The following FAM149A variants were observed in gnomAD, a reference collection of about 807,000 sequenced individuals.
FAM149A encodes protein FAM149A.
FAM149A carries 71 observed loss-of-function variants against 78.2 expected under a neutral mutation model. The observed-to-expected ratio is 0.91, with a 90% CI of 0.75 to 1.11. The LOEUF is 1.11. Ranked by LOEUF, FAM149A falls within the 50% of genes least tolerant of loss-of-function variation. The pLI is 0.00. For synonymous variants in FAM149A, 446 were observed against 410.5 expected (o/e 1.09, Z -1.04); for missense variants, 1,036 against 971.0 (o/e 1.07, Z -0.89).
rs563088176 is a variant in FAM149A, at chr4:186,124,965, G to A, written c.566+19323G>A. Among the ~76,000 whole-genome samples, 11 of 152,304 alleles carry A rather than the reference G, an allele frequency of 7.2e-5. No homozygotes were observed. The East Asian group carries it at 1.9e-3, about 27-fold the overall frequency. On this transcript the variant is annotated intron_variant, in intron 1 of 13. Coordinates refer to ENST00000389354, the MANE Select transcript of FAM149A (RefSeq NM_001367768.3). ...TTTAATGATCGCCATTCTAACTGGT[G>A]TGAGACGGTATCTCGTTGTGGTTTT...
At chr4:186,132,158 A>G in intron 1 of FAM149A, 2 of 985,468 alleles carry the variant, frequency 2.0e-6, no homozygotes, top group Non-Finnish European at 2.4e-6. Context: ...GAGATTTTCC[A>G]GTTTATGTCA....
chr4:186,175,303 G>C lies in FAM149A; in HGVS notation c.*3316G>C, dbSNP rs545903604. ...AAGTGTTAAAAGAGTTTTCAAAAAT[G>C]TGTAACATTTATAAAAGTATTTTTA... is the stretch of plus-strand genomic sequence containing the variant. On this transcript the variant is annotated 3_prime_UTR_variant, in exon 14 of 14. Transcript: ENST00000389354. 8.9e-6 allele frequency among the ~76,000 whole-genome samples: 1 copy of C among 112,092 alleles called. No individual in the cohort carries two copies. The highest frequency in any genetic ancestry group is 2.8e-5 in the African/African-American group (1 of 36,006). 73.5% of individuals were successfully genotyped at this position (112,092 alleles called of 152,430 possible).
At chr4:186,146,679 G>A in intron 1 of FAM149A, 1 of 722,956 alleles carries the variant, frequency 1.4e-6, no homozygotes, top group Non-Finnish European at 1.7e-6. Context: ...CAGAGCAGAT[G>A]CTCCGTTTGG....
intron 7 of FAM149A, among the ~76,000 whole-genome samples, chr4:186,157,112 A>G (rs931938774): frequency 6.6e-6 from 1 of 152,082 alleles, no homozygotes; most frequent in Non-Finnish European, 1.5e-5. Context: ...CATTATCTGT[A>G]ATGTAAAATG....
Position 186,167,093 on chromosome 4 carries a change from C to G in FAM149A, c.2136C>G (p.Phe712Leu), listed in dbSNP as rs1735104513. The G allele has an allele frequency of 6.2e-7, 1 of 1,612,224 alleles. No homozygotes were observed. Among genetic ancestry groups the G allele is most frequent in the African/African-American group, 1.3e-5 (1 of 74,868 alleles). Residue 712 changes from phenylalanine to leucine, a missense_variant, in exon 12 of 14, where the codon TTC becomes TTG. Coordinates refer to ENST00000389354, the MANE Select transcript of FAM149A (RefSeq NM_001367768.3). Reference sequence around the variant, plus strand: ...CAAGGCCCAGCACAACCCACACGTTCCGGGTGGGTTCTCTGTTTCCTGTAA... The same window carrying G: ...CAAGGCCCAGCACAACCCACACGTTGCGGGTGGGTTCTCTGTTTCCTGTAA...
intron 1 of FAM149A, among the ~76,000 whole-genome samples, chr4:186,136,978 C>CTCTCTCTCTCTCTCTCTCTCTT (rs2099323352): frequency 1.8e-5 from 2 of 110,406 alleles, no homozygotes; most frequent in Non-Finnish European, 1.9e-5. Context: ...CTCTCTCTTT[C>CTCTCTCTCTCTCTCTCTCTCTT]TCTCTCTCTC....
At chr4:186,167,521 A>G (rs1445925089) in intron 13 of FAM149A, 1 of 517,460 alleles carries the variant, frequency 1.9e-6, no homozygotes, top group East Asian at 3.9e-5. Context: ...CAAAAAAAAA[A>G]AAAAAAAAAA....
At chr4:186,119,413 T>C (rs1561387262) in intron 1 of FAM149A, among the ~76,000 whole-genome samples, 2 of 152,222 alleles carry the variant, frequency 1.3e-5, no homozygotes, top group African/African-American at 4.8e-5. Context: ...TTAATGATTA[T>C]GGAACTTTGC....
intron 1 of FAM149A, among the ~76,000 whole-genome samples, chr4:186,137,356 C>CT (rs2099323866): frequency 6.6e-6 from 1 of 151,746 alleles, no homozygotes; most frequent in Admixed American, 6.6e-5. Context: ...GTCTCTGGCT[C>CT]TAAGTGCTGG....
chr4:186,174,266 G>T lies in FAM149A; in HGVS notation c.*2279G>T, dbSNP rs553870368. Among the ~76,000 whole-genome samples the T allele has an allele frequency of 7.7e-4, 85 of 110,150 alleles. 25 individuals are homozygous for T. The South Asian group carries it at 0.023, about 30-fold the overall frequency. The allele number at this position is 110,150 out of a possible 152,430, so 72.3% of individuals were successfully genotyped here. ...CACCCTTTGATAGGCCCTAGTGTGT[G>T]CTGTTCCCCTCTGTGTCCATGTGTT... On this transcript the variant is annotated 3_prime_UTR_variant, in exon 14 of 14. Coordinates refer to ENST00000389354, the MANE Select transcript of FAM149A (RefSeq NM_001367768.3).
At chr4:186,170,532 C>T (rs75340274) in intron 13 of FAM149A, among the ~76,000 whole-genome samples, 7 of 152,216 alleles carry the variant, frequency 4.6e-5, no homozygotes, top group South Asian at 2.1e-4. Flanking sequence ...GGCCAACCCC[C>T]GCCTAGAACC....
At chr4:186,158,092 T>G (rs1402731630) in intron 8 of FAM149A, 1 of 1,341,018 alleles carries the variant, frequency 7.5e-7, no homozygotes, top group Non-Finnish European at 9.8e-7. Context: ...GCTCGTGCCA[T>G]TGTTGCTGTT....
intron 1 of FAM149A, among the ~76,000 whole-genome samples, chr4:186,138,012 A>C (rs1487298402): frequency 2.6e-5 from 4 of 152,202 alleles, no homozygotes; most frequent in Non-Finnish European, 5.9e-5. Context: ...AACTTGTAAA[A>C]TATATTTAAA....
At chr4:186,121,301 G>A (rs2099315987) in intron 1 of FAM149A, among the ~76,000 whole-genome samples, 2 of 152,064 alleles carry the variant, frequency 1.3e-5, no homozygotes, top group South Asian at 4.1e-4. Context: ...TTAAGGGTTT[G>A]GAAGAAGCCT....
intron 1 of FAM149A, chr4:186,123,267 CA>C: frequency 1.0e-6 from 1 of 985,192 alleles, no homozygotes; most frequent in Non-Finnish European, 1.2e-6. Context: ...TTATTTTTGG[CA>C]AAGTATGGTT....
chr4:186,160,794 A>G, intron 8 of FAM149A: 1 of 984,808 alleles, frequency 1.0e-6, no homozygotes, highest in Non-Finnish European at 1.2e-6. Flanking sequence ...ACACACACAC[A>G]CACACACATC....
In FAM149A at chr4:186,164,154, G is replaced by A. The variant is rs1046722966; in HGVS notation, c.1889+521G>A. 2.6e-5 allele frequency among the ~76,000 whole-genome samples: 4 copies of A among 152,174 alleles called. No homozygotes were observed. In the South Asian group the frequency reaches 6.2e-4, roughly 24 times the overall value. On this transcript the variant is annotated intron_variant, in intron 10 of 13. Coordinates refer to ENST00000389354, the MANE Select transcript of FAM149A (RefSeq NM_001367768.3). The surrounding 1 kb of genome is among the most constrained non-coding windows in gnomAD (Gnocchi z 4.0). The stretch of plus-strand genomic sequence containing the variant: ...GCCCTCCAGCTAACTTACCAGTATC[G>A]GCCAATACTTACATTGATAATAATA...
rs1405272270 is a variant in FAM149A, at chr4:186,160,739, A to ACACAC, written c.1576-2090_1576-2086dup. On this transcript the variant is annotated intron_variant, in intron 8 of 13. Coordinates refer to ENST00000389354, the MANE Select transcript of FAM149A (RefSeq NM_001367768.3). ...ACACACACACCTCACCACACCCCAC[A>ACACAC]CACACCACACCACACCACACACACA... 35 of 951,192 alleles carry ACACAC rather than the reference A, an allele frequency of 3.7e-5. No individual in the cohort carries two copies. The African/African-American group carries it at 5.1e-4, about 14-fold the overall frequency. The allele number at this position is 951,192 out of a possible 1,614,324, so 58.9% of individuals were successfully genotyped here.
At chr4:186,136,542 A>ATG (rs2099322775) in intron 1 of FAM149A, among the ~76,000 whole-genome samples, 1 of 152,190 alleles carries the variant, frequency 6.6e-6, no homozygotes, top group Non-Finnish European at 1.5e-5. Flanking sequence ...ATTTTGAATA[A>ATG]TGTACTAATT....
Sources: gnomAD v4.1 joint callset for allele counts (sites outside exome capture counted in the v4.1 genomes callset) on GRCh38, gnomAD v4.1.1 for gene constraint, Gnocchi (gnomAD v3.1) non-coding constraint, MANE v1.5 for transcripts, NCBI Gene and HGNC (gene_info 2026-07-23, HGNC 2026-07-21) for gene names.